PDZRN4: variants seen among roughly 807,000 people sequenced by gnomAD.
The protein encoded by PDZRN4 is PDZ domain-containing RING finger protein 4.
Under a neutral mutation model 99.0 loss-of-function variants are expected in PDZRN4, and 70 were observed. The observed-to-expected ratio is 0.71, with a 90% CI of 0.58 to 0.86. The LOEUF (loss-of-function observed/expected upper bound fraction) is 0.86. Ranked by LOEUF, PDZRN4 falls within the 40% of genes least tolerant of loss-of-function variation. PDZRN4 has a pLI of 0.00. For missense variants in PDZRN4, 1,474 were observed against 1,331.2 expected (o/e 1.11, Z -1.67); for synonymous variants, 551 against 501.6 (o/e 1.10, Z -1.32).
chr12:41,446,350 GT>G (rs1009499228), intron 3 of PDZRN4, among the ~76,000 whole-genome samples: 5 of 151,220 alleles, frequency 3.3e-5, no homozygotes, highest in African/African-American at 1.2e-4. Flanking sequence ...TTAAGGGTCT[GT>G]TTCAGATATC....
intron 3 of PDZRN4, among the ~76,000 whole-genome samples, chr12:41,258,424 T>C (rs1295963701): frequency 1.3e-5 from 2 of 152,118 alleles, no homozygotes; most frequent in African/African-American, 4.8e-5. Context: ...TGCTTTATTT[T>C]ACACATAATC....
At chr12:41,195,042 G>A (rs1005914043) in intron 3 of PDZRN4, among the ~76,000 whole-genome samples, 6 of 151,846 alleles carry the variant, frequency 4.0e-5, no homozygotes, top group Admixed American at 3.9e-4. Flanking sequence ...TGAAAACCTG[G>A]TGAGAACTCT....
At position 41,188,373 on chromosome 12, in the gene PDZRN4, CCCCGGGGGTGG is replaced by C. The variant is rs1270026874; in HGVS notation, c.-75_-65del. 3 of 1,330,990 alleles carry C rather than the reference CCCCGGGGGTGG, an allele frequency of 2.3e-6. No homozygotes were observed. The Admixed American group carries it at 8.2e-5, about 37-fold the overall frequency. The allele number at this position is 1,330,990 out of a possible 1,614,324, so 82.4% of individuals were successfully genotyped here. ...CACTGCCGCCGCCGCGAGACGGCTG[CCCCGGGGGTGG>C]CCCGGGGAAGGCAGGGGGGCTCGGA... On this transcript the variant is annotated 5_prime_UTR_variant, in exon 1 of 10. Coordinates refer to ENST00000402685, the MANE Select transcript of PDZRN4 (RefSeq NM_001164595.2).
rs552462846 is a variant in PDZRN4 at position 41,504,597 on chromosome 12, T to G, written c.844-1859T>G. Among the ~76,000 whole-genome samples the G allele has an allele frequency of 2.6e-5, 4 of 152,240 alleles. No individual in the cohort carries two copies. The East Asian group carries it at 7.7e-4, about 29-fold the overall frequency. ...CTTTTTCGTTCTGGGATTTCTTATA[T>G]CATCTGCTGTCTACATGTCCTCAGG... is the stretch of plus-strand genomic sequence containing the variant. On this transcript the variant is annotated intron_variant, in intron 3 of 9. Coordinates refer to ENST00000402685, the MANE Select transcript of PDZRN4 (RefSeq NM_001164595.2).
Position 41,250,894 on chromosome 12 carries a change from CA to C in PDZRN4, c.843+56709del, listed in dbSNP as rs1951165351. ...AACAGGCAAAGTGCCTTGAGTATCA[CA>C]AAGAACTGCTGCTTGAGTATCACAA... is the stretch of plus-strand genomic sequence containing the variant. On this transcript the variant is annotated intron_variant, in intron 3 of 9. Coordinates refer to ENST00000402685, the MANE Select transcript of PDZRN4 (RefSeq NM_001164595.2). Among the ~76,000 whole-genome samples the C allele has an allele frequency of 3.3e-5, 5 of 152,302 alleles. No individual in the cohort carries two copies. The South Asian group carries it at 1.0e-3, about 32-fold the overall frequency.
intron 3 of PDZRN4, among the ~76,000 whole-genome samples, chr12:41,334,622 G>A (rs1054515625): frequency 2.6e-5 from 4 of 152,134 alleles, no homozygotes; most frequent in African/African-American, 9.7e-5. Context: ...GGCAAAGGCT[G>A]TCATTCATTC....
At chr12:41,564,890 A>G (rs1939337909) in intron 8 of PDZRN4, among the ~76,000 whole-genome samples, 1 of 152,192 alleles carries the variant, frequency 6.6e-6, no homozygotes, top group Admixed American at 6.6e-5. Flanking sequence ...AGTGAAATTT[A>G]TGATAAATTG....
At chr12:41,314,619 A>G (rs1168932579) in intron 3 of PDZRN4, among the ~76,000 whole-genome samples, 1 of 152,182 alleles carries the variant, frequency 6.6e-6, no homozygotes, top group Non-Finnish European at 1.5e-5. Context: ...ATGCATGAAT[A>G]AAAATGTAGA....
intron 3 of PDZRN4, among the ~76,000 whole-genome samples, chr12:41,285,509 A>G (rs578257125): frequency 3.3e-5 from 5 of 152,338 alleles, no homozygotes; most frequent in Admixed American, 3.3e-4. Flanking sequence ...TACTGGGTAT[A>G]TACCCAAAGG....
chr12:41,547,129 AT>A (rs1355467496), intron 5 of PDZRN4, among the ~76,000 whole-genome samples: 2 of 152,142 alleles, frequency 1.3e-5, no homozygotes, highest in African/African-American at 4.8e-5. Flanking sequence ...AGTAATTGCA[AT>A]TTCCTCAAAA....
rs567576273 is a variant in PDZRN4, at chr12:41,355,087, T to C, written c.844-151369T>C. ...GCTTTGAAGATATTCTTGCCCTCTG[T>C]TGTCCTCTGCTTTCTTATCTCTTAA... On this transcript the variant is annotated intron_variant, in intron 3 of 9. Coordinates refer to ENST00000402685, the MANE Select transcript of PDZRN4 (RefSeq NM_001164595.2). Among the ~76,000 whole-genome samples, 35 of 152,192 alleles carry C rather than the reference T, an allele frequency of 2.3e-4. No individual in the cohort carries two copies. In the South Asian group the frequency reaches 7.0e-3, roughly 31 times the overall value.
chr12:41,549,898 C>T (rs1336236403), intron 5 of PDZRN4, among the ~76,000 whole-genome samples: 1 of 152,062 alleles, frequency 6.6e-6, no homozygotes, highest in Non-Finnish European at 1.5e-5. Flanking sequence ...TGTTGAGTGT[C>T]TTACAAAGGG....
chr12:41,218,956 T>C (rs1345279994), intron 3 of PDZRN4, among the ~76,000 whole-genome samples: 2 of 149,526 alleles, frequency 1.3e-5, no homozygotes, highest in Non-Finnish European at 2.9e-5. Flanking sequence ...GTAGGAATAT[T>C]ATTTTACTAG....
chr12:41,409,991 A>T (rs1228673424), intron 3 of PDZRN4: 1 of 152,230 alleles, frequency 6.6e-6, no homozygotes, highest in Non-Finnish European at 1.5e-5. Context: ...GTATGACCTC[A>T]TCTTGACTAA....
intron 3 of PDZRN4, among the ~76,000 whole-genome samples, chr12:41,488,004 G>C (rs1937809228): frequency 6.6e-6 from 1 of 152,186 alleles, no homozygotes; most frequent in Non-Finnish European, 1.5e-5. Flanking sequence ...TGAGTCTGCT[G>C]TGTTTCTTTC....
Position 41,194,166 on chromosome 12 carries a change from AGATTCATGACAAAATCATG to A in PDZRN4, c.824_842del (p.Ile275ArgfsTer31). ...CCTGCTGACAGAGCAGATGGCCTGG[AGATTCATGACAAAATCATG>A]GAGGTAAGACAATGATAAAACATGT... On this transcript the variant is annotated frameshift_variant, in exon 3 of 10. Transcript: ENST00000402685. LOFTEE classifies it high-confidence loss of function. The A allele has an allele frequency of 6.6e-7, 1 of 1,519,560 alleles. No individual in the cohort carries two copies. Among genetic ancestry groups the A allele is most frequent in the South Asian group, 1.1e-5 (1 of 89,226 alleles). 94.1% of individuals were successfully genotyped at this position (1,519,560 alleles called of 1,614,324 possible).
intron 3 of PDZRN4, among the ~76,000 whole-genome samples, chr12:41,245,926 G>T (rs1472625806): frequency 6.6e-6 from 1 of 152,192 alleles, no homozygotes; most frequent in African/African-American, 2.4e-5. Context: ...GTGATAGAAG[G>T]TGAGTTAGAG....
Position 41,402,194 on chromosome 12 carries a change from C to CACACTGAGTATATATATATATAT in PDZRN4, c.844-104258_844-104257insTGAGTATATATATATATATACAC, listed in dbSNP as rs1952297175. On this transcript the variant is annotated intron_variant, in intron 3 of 9. Transcript: ENST00000402685. Reference sequence around the variant, plus strand: ...CACACTGAGTATATATATATATACACACACACTGAGTATACATATATATAC... The same window carrying CACACTGAGTATATATATATATAT: ...CACACTGAGTATATATATATATACACACACTGAGTATATATATATATATACACACTGAGTATACATATATATAC... Among the ~76,000 whole-genome samples, 7 of 5,912 alleles carry CACACTGAGTATATATATATATAT rather than the reference C, an allele frequency of 1.2e-3. No individual in the cohort carries two copies. The African/African-American group carries it at 0.012, about 10-fold the overall frequency. The allele number at this position is 5,912 out of a possible 152,430, so 3.9% of individuals were successfully genotyped here. A position where few individuals can be genotyped will look rare whatever the true frequency, so the allele number is the denominator to read the frequency against.
At chr12:41,555,788 TC>T in intron 7 of PDZRN4, 28 bp downstream of exon 7, 2 of 1,513,758 alleles carry the variant, frequency 1.3e-6, no homozygotes, top group Non-Finnish European at 9.2e-7. Context: ...TTCCTTTAGT[TC>T]CCCACGATCT....
Sources: allele counts gnomAD v4.1 joint callset (sites outside exome capture counted in the v4.1 genomes callset), GRCh38; gene constraint gnomAD v4.1.1; transcripts MANE v1.5; gene names NCBI Gene and HGNC (gene_info 2026-07-23, HGNC 2026-07-21).